DNAJB12: variants seen among roughly 807,000 people sequenced by gnomAD.
DNAJB12 encodes the protein dnaJ homolog subfamily B member 12.
DNAJB12 carries 14 observed loss-of-function variants against 40.6 expected under a neutral mutation model. The observed-to-expected ratio is 0.34, with a 90% CI of 0.23 to 0.54. The LOEUF is 0.54. DNAJB12 is among the 20% of genes least tolerant of loss of function. The pLI, the probability that DNAJB12 is intolerant of heterozygous loss-of-function variation, is 0.92. For missense variants in DNAJB12, 444 were observed against 501.7 expected (o/e 0.89, Z 1.10); for synonymous variants, 181 against 199.5 (o/e 0.91, Z 0.78).
In DNAJB12 at chr10:72,344,770, G is replaced by A. The variant is rs562732701; in HGVS notation, c.311+180C>T. ...CCCCAGTTCCCACACTGTATTCCTG[G>A]GCCTTGAGGGAAATAAGGAGAGGTC... is the stretch of plus-strand genomic sequence containing the variant. On this transcript the variant is annotated intron_variant, in intron 2 of 8. Coordinates refer to ENST00000444643, the MANE Select transcript of DNAJB12 (RefSeq NM_017626.7). Among the ~76,000 whole-genome samples the A allele has an allele frequency of 4.6e-5, 7 of 152,272 alleles. No homozygotes were observed. In the South Asian group the frequency reaches 1.2e-3, roughly 27 times the overall value.
At position 72,334,346 on chromosome 10, in the gene DNAJB12, A is replaced by C. The variant is rs1192698457; in HGVS notation, c.*302T>G. On this transcript the variant is annotated 3_prime_UTR_variant, in exon 9 of 9. Transcript: ENST00000444643. ...CACTGATATCTGCTGCGAGTTTTAC[A>C]TTCTACTTTCGTTGCCATGGTTTCT... 2.6e-5 allele frequency: 14 copies of C among 530,556 alleles called. No individual in the cohort carries two copies. Among genetic ancestry groups the C allele is most frequent in the Non-Finnish European group, 3.9e-5 (12 of 306,358 alleles). The allele number at this position is 530,556 out of a possible 1,614,324, so 32.9% of individuals were successfully genotyped here. A position where few individuals can be genotyped will look rare whatever the true frequency, so the allele number is the denominator to read the frequency against.
intron 1 of DNAJB12, among the ~76,000 whole-genome samples, chr10:72,347,844 C>CG (rs1157928967): frequency 1.3e-5 from 2 of 151,172 alleles, no homozygotes; most frequent in Non-Finnish European, 2.9e-5. Context: ...ATCTGGGAGG[C>CG]GGAGGTTGCA....
chr10:72,354,693 T>A, intron 1 of DNAJB12, 72 bp downstream of exon 1: 1 of 1,269,650 alleles, frequency 7.9e-7, no homozygotes, highest in Non-Finnish European at 1.1e-6. Flanking sequence ...CCCCAACTGC[T>A]CCCGTCGGTC....
At chr10:72,350,770 G>A (rs901989774) in intron 1 of DNAJB12, among the ~76,000 whole-genome samples, 4 of 152,152 alleles carry the variant, frequency 2.6e-5, no homozygotes, top group Non-Finnish European at 2.9e-5. Flanking sequence ...GTGGAGAGAC[G>A]ATCTCTGCTC....
Position 72,336,589 on chromosome 10 carries a change from T to C in DNAJB12, c.941A>G (p.Glu314Gly), listed in dbSNP as rs1479733717. 1.2e-6 allele frequency: 2 copies of C among 1,614,022 alleles called. No individual in the cohort carries two copies. The highest frequency in any genetic ancestry group is 2.2e-5 in the East Asian group (1 of 44,902). ...GATATAATCATCTTCCACATTCCGC[T>C]CGACTGTTTTGAGGCTGGAGCCTGT... ...EYTGSSLKTV[E>G]RNVEDDYIAN... The change falls in exon 7 of 9, where the codon GAG becomes GGG. Residue 314 changes from glutamate to glycine, a missense_variant. Physicochemically the swap from Glu to Gly is moderately conservative, Grantham distance 98. Coordinates refer to ENST00000444643, the MANE Select transcript of DNAJB12 (RefSeq NM_017626.7).
In DNAJB12 at chr10:72,343,474, C is replaced by G. The variant is rs1323686545; in HGVS notation, c.349G>C (p.Val117Leu). 3 of 1,614,164 alleles carry G rather than the reference C, an allele frequency of 1.9e-6. No homozygotes were observed. Among genetic ancestry groups the G allele is most frequent in the South Asian group, 2.2e-5 (2 of 91,080 alleles). ...TCCTCATCCGAGGCCCCTCTGCTCA[C>G]CCCCAGGATCTCATAGTAATCTTTA... is the stretch of plus-strand genomic sequence containing the variant. The part of the protein sequence containing the change: ...QCKDYYEILG[V>L]SRGASDEDLK... The change falls in exon 3 of 9, where the codon GTG becomes CTG. Residue 117 changes from valine (V) to leucine (L), a missense_variant. Val to Leu is a conservative substitution (Grantham distance 32). Transcript: ENST00000444643.
chr10:72,344,919 C>T, intron 2 of DNAJB12, 31 bp downstream of exon 2: 1 of 1,613,360 alleles, frequency 6.2e-7, no homozygotes, highest in Non-Finnish European at 8.5e-7. Flanking sequence ...CCCCAGTCTC[C>T]CCAGGCTCCA....
rs931457967 is a variant in DNAJB12, at chr10:72,333,409, G to A, written c.*1239C>T. On this transcript the variant is annotated 3_prime_UTR_variant, in exon 9 of 9. Coordinates refer to ENST00000444643, the MANE Select transcript of DNAJB12 (RefSeq NM_017626.7). ...AGGGTAAGAAAACTATTCTGGTTCA[G>A]GTGTATCCTTTGTCCAAGGTACGAG... 1 of 152,328 alleles carries A rather than the reference G, an allele frequency of 6.6e-6. No individual in the cohort carries two copies. The highest frequency in any genetic ancestry group is 1.5e-5 in the Non-Finnish European group (1 of 68,052). 9.4% of individuals were successfully genotyped at this position (152,328 alleles called of 1,614,324 possible). A position where few individuals can be genotyped will look rare whatever the true frequency, so the allele number is the denominator to read the frequency against.
intron 1 of DNAJB12, among the ~76,000 whole-genome samples, chr10:72,349,239 G>A (rs568874264): frequency 3.3e-5 from 5 of 152,232 alleles, no homozygotes; most frequent in Admixed American, 2.0e-4. Context: ...CACCTGTGCC[G>A]AGTCTGACAG....
chr10:72,354,758 C>A lies in DNAJB12; in HGVS notation c.133+7G>T. 1 of 1,610,114 alleles carries A rather than the reference C, an allele frequency of 6.2e-7. No individual in the cohort carries two copies. Among genetic ancestry groups the A allele is most frequent in the Non-Finnish European group, 8.5e-7 (1 of 1,178,378 alleles). The stretch of plus-strand genomic sequence containing the variant: ...TGTCCCCAGTCTCTCCGGCACCTCA[C>A]ACTCACCGCGAACTCGCGGCGTCGG... On this transcript the variant is annotated splice_region_variant and intron_variant, in intron 1 of 8. Transcript: ENST00000444643.
rs991268788 is a variant in DNAJB12, at chr10:72,354,388, T to C, written c.133+377A>G. ...AGGAGTTATGTTTATTTTCCTGAAC[T>C]GTAATATTTCCCAGGCCGGCGACTG... On this transcript the variant is annotated intron_variant, in intron 1 of 8. Coordinates refer to ENST00000444643, the MANE Select transcript of DNAJB12 (RefSeq NM_017626.7). 7 of 206,940 alleles carry C rather than the reference T, an allele frequency of 3.4e-5. No individual in the cohort carries two copies. In the South Asian group the frequency reaches 6.0e-4, roughly 18 times the overall value. 12.8% of individuals were successfully genotyped at this position (206,940 alleles called of 1,614,324 possible). A position where few individuals can be genotyped will look rare whatever the true frequency, so the allele number is the denominator to read the frequency against.
Position 72,335,810 on chromosome 10 carries a change from C to CT in DNAJB12, c.1127dup (p.Ter376=). Reference sequence around the variant, plus strand: ...CCTCGGTGGTGTGGCTGGCCCAGGACTATCCATGCAGGGAGGCCTGCACCT... The same window carrying CT: ...CCTCGGTGGTGTGGCTGGCCCAGGACTTATCCATGCAGGGAGGCCTGCACCT... ...LSEVQASLHG[*] Residue 376 remains the stop codon, a frameshift_variant and stop_retained_variant, in exon 8 of 9, where the codon TAG becomes TAAG. Coordinates refer to ENST00000444643, the MANE Select transcript of DNAJB12 (RefSeq NM_017626.7). LOFTEE classifies it high-confidence loss of function. The surrounding 1 kb of genome is among the most constrained non-coding windows in gnomAD (Gnocchi z 4.4). The CT allele has an allele frequency of 6.2e-7, 1 of 1,613,818 alleles. No individual in the cohort carries two copies. The highest frequency in any genetic ancestry group is 8.5e-7 in the Non-Finnish European group (1 of 1,179,838).
At chr10:72,350,897 C>A (rs1308520245) in intron 1 of DNAJB12, among the ~76,000 whole-genome samples, 1 of 152,152 alleles carries the variant, frequency 6.6e-6, no homozygotes, top group African/African-American at 2.4e-5. Context: ...AACCCCACCC[C>A]GGACCTCGCC....
Position 72,334,434 on chromosome 10 carries a change from A to T in DNAJB12, c.*214T>A. 1 of 925,140 alleles carries T rather than the reference A, an allele frequency of 1.1e-6. No homozygotes were observed. Among genetic ancestry groups the T allele is most frequent in the South Asian group, 1.4e-5 (1 of 69,772 alleles). The allele number at this position is 925,140 out of a possible 1,614,324, so 57.3% of individuals were successfully genotyped here. Reference sequence around the variant, plus strand: ...CCCTGCGAGGGAGGGAAGCAGCCCCATGGCAGGTTTTCTGTCTGTCCTAAG... The same window carrying T: ...CCCTGCGAGGGAGGGAAGCAGCCCCTTGGCAGGTTTTCTGTCTGTCCTAAG... On this transcript the variant is annotated 3_prime_UTR_variant, in exon 9 of 9. Coordinates refer to ENST00000444643, the MANE Select transcript of DNAJB12 (RefSeq NM_017626.7).
rs773300453 is a variant in DNAJB12 at position 72,335,371 on chromosome 10, T to C, written c.*30+409A>G. The C allele has an allele frequency of 2.7e-4, 272 of 1,002,980 alleles. No homozygotes were observed. The highest frequency in any genetic ancestry group is 3.1e-4 in the Non-Finnish European group (264 of 839,740). The allele number at this position is 1,002,980 out of a possible 1,614,324, so 62.1% of individuals were successfully genotyped here. On this transcript the variant is annotated intron_variant, in intron 8 of 8. Coordinates refer to ENST00000444643, the MANE Select transcript of DNAJB12 (RefSeq NM_017626.7). This position sits in a 1 kb window ranked among gnomAD's most constrained non-coding sequence, Gnocchi z 4.4. ...AGGCAGTGTGCATATGGGGCTCTCT[T>C]GGGCCCCACCATATGTGATGGCCTA... is the stretch of plus-strand genomic sequence containing the variant.
intron 1 of DNAJB12, among the ~76,000 whole-genome samples, chr10:72,349,529 A>C (rs1018199771): frequency 2.0e-5 from 3 of 152,186 alleles, no homozygotes; most frequent in Non-Finnish European, 4.4e-5. Context: ...CAGGAGGAGG[A>C]GGCAGTATGC....
At chr10:72,350,438 T>C (rs1032361651) in intron 1 of DNAJB12, among the ~76,000 whole-genome samples, 3 of 143,030 alleles carry the variant, frequency 2.1e-5, no homozygotes, top group Non-Finnish European at 4.6e-5. Context: ...GACTGCCCGA[T>C]GGGTTCAAAC....
At chr10:72,334,911 C>T (rs1861426406) in intron 8 of DNAJB12, 3 of 1,236,022 alleles carry the variant, frequency 2.4e-6, no homozygotes, top group South Asian at 2.7e-5. Context: ...CTTCTCTGGG[C>T]TTGGCTGAAG....
chr10:72,351,269 T>G (rs1373645046), intron 1 of DNAJB12, among the ~76,000 whole-genome samples: 1 of 152,204 alleles, frequency 6.6e-6, no homozygotes, highest in Non-Finnish European at 1.5e-5. Context: ...GTCTGTGACC[T>G]CCCAGCTTAG....
Sources: gnomAD v4.1 joint callset for allele counts (sites outside exome capture counted in the v4.1 genomes callset) on GRCh38, gnomAD v4.1.1 for gene constraint, Gnocchi (gnomAD v3.1) non-coding constraint, MANE v1.5 for transcripts, NCBI Gene and HGNC (gene_info 2026-07-23, HGNC 2026-07-21) for gene names.